Variants in FBN3 observed in about 807,000 individuals in gnomAD.
FBN3 encodes the protein fibrillin-3.
Under a neutral mutation model 330.1 loss-of-function variants are expected in FBN3, and 234 were observed. The ratio of observed to expected loss-of-function variants is 0.71; its 90% CI spans 0.64 to 0.79. The LOEUF (loss-of-function observed/expected upper bound fraction) is 0.79. FBN3 is among the 30% of genes least tolerant of loss of function. The pLI, the probability that FBN3 is intolerant of heterozygous loss-of-function variation, is 0.00. For missense variants in FBN3, 3,606 were observed against 3,886.9 expected, an observed-to-expected ratio of 0.93 and a Z score of 1.92; for synonymous variants, 1,458 against 1,517.3, an observed-to-expected ratio of 0.96 and a Z score of 0.91.
At chr19:8,111,902 T>G in intron 31 of FBN3, 75 bp downstream of exon 31, 1 of 451,600 alleles carries the variant, frequency 2.2e-6, no homozygotes, top group Non-Finnish European at 3.2e-6. Context: ...ACCCTCCCAC[T>G]GCCTTGCCCC....
At position 8,096,939 on chromosome 19, in the gene FBN3, A is replaced by G. The variant is rs2082222633; in HGVS notation, c.5355T>C (p.Gly1785=). ...QQNADCINIP[G]SYRCKCTRGY... ...CTCGGGTGCACTTGCAGCGGTAGCT[A>G]CCGGGGATGTTGATGCAGTCAGCAT... is the stretch of plus-strand genomic sequence containing the variant. The change falls in exon 43 of 64, where the codon GGT becomes GGC. Residue 1785 remains glycine, a synonymous_variant. Transcript: ENST00000600128. This position sits in a 1 kb window ranked among gnomAD's most constrained non-coding sequence, Gnocchi z 4.6. 1.2e-6 allele frequency: 2 copies of G among 1,613,764 alleles called. No individual in the cohort carries two copies. Among genetic ancestry groups the G allele is most frequent in the South Asian group, 2.2e-5 (2 of 91,084 alleles).
intron 13 of FBN3, 26 bp downstream of exon 13, chr19:8,135,935 T>TTGGGGGGGGGGGGGGGGGGGGGGGGGCC: frequency 2.2e-6 from 3 of 1,344,156 alleles, no homozygotes; most frequent in Non-Finnish European, 2.0e-6. Flanking sequence ...CGGAAGCCCC[T>TTGGGGGGGGGGGGGGGGGGGGGGGGGCC]GCCCACCCGC....
rs1404851706 is a variant in FBN3, at chr19:8,085,551, C to G, written c.6899G>C (p.Cys2300Ser). 1 of 1,576,772 alleles carries G rather than the reference C, an allele frequency of 6.3e-7. No individual in the cohort carries two copies. Among genetic ancestry groups the G allele is most frequent in the Non-Finnish European group, 8.6e-7 (1 of 1,162,314 alleles). Residue 2300 changes from cysteine (C) to serine (S), a missense_variant, in exon 56 of 64, where the codon TGC becomes TCC. Physicochemically the swap from Cys to Ser is moderately radical, Grantham distance 112 (BLOSUM62 -1). Coordinates refer to ENST00000600128, the MANE Select transcript of FBN3 (RefSeq NM_032447.5). ...CATGGTCTGCAGCACCTCGGCAAAGCAGGGCCCCTGCCGGATGTCTGCAGA... is the reference window on the plus strand; with the variant it reads ...CATGGTCTGCAGCACCTCGGCAAAGGAGGGCCCCTGCCGGATGTCTGCAGA... ...TECHDIRQGP[C>S]FAEVLQTMCR...
chr19:8,121,192 C>T lies in FBN3; in HGVS notation c.3211+66G>A. 1 of 1,457,278 alleles carries T rather than the reference C, an allele frequency of 6.9e-7. No individual in the cohort carries two copies. The highest frequency in any genetic ancestry group is 1.3e-5 in the South Asian group (1 of 74,176). The allele number at this position is 1,457,278 out of a possible 1,614,324, so 90.3% of individuals were successfully genotyped here. ...TCCACACAGCAACAGCCGTCCCCAC[C>T]CTCCCTCTCCTCAATGCCCTCCCTG... On this transcript the variant is annotated intron_variant, in intron 25 of 63. Coordinates refer to ENST00000600128, the MANE Select transcript of FBN3 (RefSeq NM_032447.5). The surrounding 1 kb of genome is among the most constrained non-coding windows in gnomAD (Gnocchi z 4.5).
intron 40 of FBN3, among the ~76,000 whole-genome samples, chr19:8,101,223 C>G (rs1033570736): frequency 3.3e-5 from 5 of 152,228 alleles, no homozygotes; most frequent in African/African-American, 1.2e-4. Flanking sequence ...CTCCCAGGTT[C>G]AGGTGACCCT....
Position 8,138,124 on chromosome 19 carries a change from C to T in FBN3, c.1201+17G>A. Reference sequence around the variant, plus strand: ...CCTTCAAGTCTTGGAATGTTCCTCCCAAGCCCCAGGCCTCACCAATATTAG... The same window carrying T: ...CCTTCAAGTCTTGGAATGTTCCTCCTAAGCCCCAGGCCTCACCAATATTAG... On this transcript the variant is annotated intron_variant, in intron 10 of 63. Transcript: ENST00000600128. 6.3e-7 allele frequency: 1 copy of T among 1,587,440 alleles called. No homozygotes were observed. Among genetic ancestry groups the T allele is most frequent in the East Asian group, 2.2e-5 (1 of 44,534 alleles).
At position 8,126,816 on chromosome 19, in the gene FBN3, C is replaced by T. The variant is rs761609802; in HGVS notation, c.2313G>A (p.Leu771=). ...AGACGCCACTCACACACGGGCTGGA[C>T]AGGCATTCGTCGACATCTGTGGGGA... is the stretch of plus-strand genomic sequence containing the variant. ...TEICKDVDEC[L]SSPCVSGVCR... The change falls in exon 19 of 64, where the codon CTG becomes CTA. Residue 771 remains leucine, a synonymous_variant. Coordinates refer to ENST00000600128, the MANE Select transcript of FBN3 (RefSeq NM_032447.5). The T allele has an allele frequency of 2.5e-6, 4 of 1,569,608 alleles. No individual in the cohort carries two copies. Among genetic ancestry groups the T allele is most frequent in the Middle Eastern group, 1.7e-4 (1 of 5,804 alleles).
chr19:8,115,419 G>T, intron 30 of FBN3, 96 bp downstream of exon 30: 1 of 1,407,412 alleles, frequency 7.1e-7, no homozygotes, highest in Non-Finnish European at 9.6e-7. Flanking sequence ...AATGAATTCT[G>T]GCTGTGCTCT....
Position 8,066,217 on chromosome 19 carries a change from C to A in FBN3, c.8132G>T (p.Gly2711Val), listed in dbSNP as rs1384348351. The change falls in exon 64 of 64, where the codon GGC becomes GTC. Residue 2711 changes from glycine to valine, a missense_variant. By Grantham distance (109) the Gly-to-Val change is moderately radical. Coordinates refer to ENST00000600128, the MANE Select transcript of FBN3 (RefSeq NM_032447.5). ...TLDSEALLTLGLNLSHLGRAE... is the reference protein window; with the variant it reads ...TLDSEALLTLVLNLSHLGRAE... ...CCGGCCCAGGTGTGAGAGGTTCAGG[C>A]CCAAGGTCAGCAGGGCCTCGGAGTC... 6.3e-7 allele frequency: 1 copy of A among 1,596,326 alleles called. No homozygotes were observed. Among genetic ancestry groups the A allele is most frequent in the Non-Finnish European group, 8.6e-7 (1 of 1,168,522 alleles).
intron 23 of FBN3, 87 bp downstream of exon 23, chr19:8,123,697 C>T: frequency 6.3e-7 from 1 of 1,593,458 alleles, no homozygotes; most frequent in Non-Finnish European, 8.6e-7. Flanking sequence ...CCCCTTTTCC[C>T]CCAAACACAC....
chr19:8,107,519 G>A (rs2082471535), intron 37 of FBN3, among the ~76,000 whole-genome samples: 1 of 149,874 alleles, frequency 6.7e-6, no homozygotes. Flanking sequence ...ATGGAAGGAT[G>A]AGTGGAAGGA....
intron 63 of FBN3, among the ~76,000 whole-genome samples, chr19:8,068,972 C>T (rs973730208): frequency 6.6e-6 from 1 of 152,236 alleles, no homozygotes; most frequent in East Asian, 1.9e-4. Flanking sequence ...AGAGACCCAG[C>T]AGCCAGGGGA....
In FBN3 at chr19:8,087,067, T is replaced by G. The variant is rs968209670; in HGVS notation, c.6754+10A>C. 3.1e-6 allele frequency: 5 copies of G among 1,603,294 alleles called. No homozygotes were observed. In the East Asian group the frequency reaches 6.8e-5, roughly 22 times the overall value. ...GTTTCCTGCACCCATGAAGCTCCAG[T>G]GCCCCATACCTGTGCAGCCCTCCCC... On this transcript the variant is annotated intron_variant, in intron 54 of 63. Transcript: ENST00000600128.
intron 13 of FBN3, 25 bp downstream of exon 13, chr19:8,135,936 G>GGGGGGGGGGGGGGGGGGGGGGGGGCCCC: frequency 1.5e-6 from 1 of 668,776 alleles, no homozygotes; most frequent in Non-Finnish European, 2.4e-6. Flanking sequence ...GGAAGCCCCT[G>GGGGGGGGGGGGGGGGGGGGGGGGGCCCC]CCCACCCGCC....
intron 8 of FBN3, among the ~76,000 whole-genome samples, chr19:8,141,488 A>G (rs1305123682): frequency 2.0e-5 from 3 of 152,154 alleles, no homozygotes; most frequent in African/African-American, 7.2e-5. Flanking sequence ...GGCTGCTGGC[A>G]AAACCTTGGG....
rs2083547058 is a variant in FBN3, at chr19:8,146,362, C to A, written c.251-137G>T. 4 of 714,098 alleles carry A rather than the reference C, an allele frequency of 5.6e-6. No homozygotes were observed. The South Asian group carries it at 7.1e-5, about 13-fold the overall frequency. The allele number at this position is 714,098 out of a possible 1,614,324, so 44.2% of individuals were successfully genotyped here. ...CATCCCCGGCTCTGCTCATAGCACA[C>A]CCCACCCCTGTTTTCATGGGATGTC... On this transcript the variant is annotated intron_variant, in intron 3 of 63. Transcript: ENST00000600128.
In FBN3 at chr19:8,090,130, G is replaced by T; in HGVS notation, c.6153C>A (p.Asp2051Glu). 6.2e-7 allele frequency: 1 copy of T among 1,614,056 alleles called. No individual in the cohort carries two copies. The highest frequency in any genetic ancestry group is 8.5e-7 in the Non-Finnish European group (1 of 1,179,980). Residue 2051 changes from aspartate (D) to glutamate (E), a missense_variant, in exon 49 of 64, where the codon GAC (aspartate) becomes GAA (glutamate). Coordinates refer to ENST00000600128, the MANE Select transcript of FBN3 (RefSeq NM_032447.5). ...CCTCCTGGGGACACAGTTCGCAGGG[G>T]TCTCCCCAGCCCTCCCCAGGCCTCT... ...CSKRPGEGWG[D>E]PCELCPQEGS...
chr19:8,075,447 G>T, intron 59 of FBN3, 36 bp from the exon 60 acceptor site: 1 of 1,592,514 alleles, frequency 6.3e-7, no homozygotes, highest in South Asian at 1.1e-5. Context: ...GTTGCCTGCT[G>T]GTTAAGGAAC....
chr19:8,068,857 G>A (rs2081449984), intron 63 of FBN3, among the ~76,000 whole-genome samples: 1 of 152,064 alleles, frequency 6.6e-6, no homozygotes, highest in Non-Finnish European at 1.5e-5. Context: ...TCTGAGAGAG[G>A]CAGGGAAACG....
Sources: gnomAD v4.1 joint callset for allele counts (sites outside exome capture counted in the v4.1 genomes callset) on GRCh38, gnomAD v4.1.1 for gene constraint, Gnocchi (gnomAD v3.1) non-coding constraint, MANE v1.5 for transcripts, NCBI Gene and HGNC (gene_info 2026-07-23, HGNC 2026-07-21) for gene names.